ZNF280C: variants seen among roughly 807,000 people sequenced by gnomAD.
ZNF280C encodes suppressor of hairy wing homolog 3.
A neutral mutation model predicts 53.6 loss-of-function variants in ZNF280C; 14 were observed. The ratio of observed to expected loss-of-function variants is 0.26; its 90% CI spans 0.17 to 0.41. The LOEUF is 0.41. Ranked by LOEUF, ZNF280C falls within the 10% of genes least tolerant of loss-of-function variation. ZNF280C has a pLI of 1.00. For synonymous variants in ZNF280C, 203 were observed against 181.1 expected, an observed-to-expected ratio of 1.12 and a Z score of -0.97; for missense variants, 416 against 547.1, an observed-to-expected ratio of 0.76 and a Z score of 2.39.
intron 8 of ZNF280C, 128 bp downstream of exon 8, chrX:130,236,086 T>A: frequency 2.7e-6 from 1 of 375,246 alleles, no homozygotes; most frequent in Non-Finnish European, 4.6e-6. Flanking sequence ...TTAAGTTACA[T>A]GGAAATGCCA....
At chrX:130,262,970 T>C (rs2032647438) in intron 1 of ZNF280C, among the ~76,000 whole-genome samples, 1 of 112,750 alleles carries the variant, frequency 8.9e-6, no homozygotes, top group Non-Finnish European at 1.9e-5. Flanking sequence ...GTAAATAGTA[T>C]ATGTATTTTG....
At chrX:130,260,198 C>T (rs1305440861) in intron 2 of ZNF280C, among the ~76,000 whole-genome samples, 3 of 110,773 alleles carry the variant, frequency 2.7e-5, no homozygotes, top group Admixed American at 9.7e-5. Context: ...AGGAGAATGG[C>T]GTGAACCCAG....
At chrX:130,253,090 C>T (rs1198245477) in intron 2 of ZNF280C, among the ~76,000 whole-genome samples, 1 of 111,982 alleles carries the variant, frequency 8.9e-6, no homozygotes, top group Non-Finnish European at 1.9e-5. Flanking sequence ...AATCAACGTA[C>T]AAAAATCACC....
intron 12 of ZNF280C, among the ~76,000 whole-genome samples, chrX:130,225,585 T>C (rs2032212812): frequency 9.1e-6 from 1 of 109,441 alleles, no homozygotes; most frequent in Non-Finnish European, 1.9e-5. Flanking sequence ...GAACACTTAT[T>C]AACATCTGAG....
At chrX:130,218,332 G>C (rs2032126407) in intron 13 of ZNF280C, among the ~76,000 whole-genome samples, 1 of 111,757 alleles carries the variant, frequency 8.9e-6, no homozygotes, top group Non-Finnish European at 1.9e-5. Flanking sequence ...GGATCAGGGG[G>C]CATGATTTCT....
chrX:130,222,276 C>CCACACACACA (rs59694150), intron 12 of ZNF280C, among the ~76,000 whole-genome samples: 2,490 of 69,881 alleles, frequency 0.036, 75 homozygotes, highest in African/African-American at 0.042. Context: ...CATTCAGACA[C>CCACACACACA]CACACACACA....
Position 130,247,017 on chromosome X carries a change from G to A in ZNF280C, c.32-12C>T. The A allele has an allele frequency of 8.4e-7, 1 of 1,191,818 alleles. No individual in the cohort carries two copies. The highest frequency in any genetic ancestry group is 3.0e-5 in the East Asian group (1 of 33,755). On this transcript the variant is annotated splice_polypyrimidine_tract_variant and intron_variant, in intron 2 of 18. Transcript: ENST00000370978. Reference sequence around the variant, plus strand: ...CATTTTTGAAATGTCTAATTTTCAAGAGAAGAGAAGCTAACTTTATTTTCA... The same window carrying A: ...CATTTTTGAAATGTCTAATTTTCAAAAGAAGAGAAGCTAACTTTATTTTCA...
At chrX:130,246,762 A>G in intron 3 of ZNF280C, 97 bp downstream of exon 3, 14 of 1,023,077 alleles carry the variant, frequency 1.4e-5, no homozygotes, top group Non-Finnish European at 1.9e-5. Flanking sequence ...CTAACTCCTT[A>G]CAGAAGAACA....
At chrX:130,247,926 A>G (rs1287319451) in intron 2 of ZNF280C, among the ~76,000 whole-genome samples, 3 of 108,103 alleles carry the variant, frequency 2.8e-5, no homozygotes, top group African/African-American at 1.0e-4. Flanking sequence ...AGTAAAAAAT[A>G]TACTGTGAAT....
At chrX:130,228,617 C>CTTT (rs35926660) in intron 10 of ZNF280C, among the ~76,000 whole-genome samples, 671 of 58,308 alleles carry the variant, frequency 0.012, no homozygotes, top group Non-Finnish European at 0.016. Flanking sequence ...TTTTCTTCTA[C>CTTT]TTTTTTTTTT....
At chrX:130,211,138 C>T (rs2032035630) in intron 15 of ZNF280C, among the ~76,000 whole-genome samples, 1 of 111,675 alleles carries the variant, frequency 9.0e-6, no homozygotes, top group Non-Finnish European at 1.9e-5. Context: ...GCTGTAATTC[C>T]AAGAAAACAT....
chrX:130,244,618 A>C (rs1291871168), intron 3 of ZNF280C, among the ~76,000 whole-genome samples: 1 of 108,772 alleles, frequency 9.2e-6, no homozygotes, highest in African/African-American at 3.4e-5. Context: ...TCTACTAAAA[A>C]TACAAAAAAA....
Position 130,227,757 on chromosome X carries a change from T to C in ZNF280C, c.1173A>G (p.Ser391=), listed in dbSNP as rs775112671. 3.3e-6 allele frequency: 4 copies of C among 1,199,047 alleles called. No homozygotes were observed. In the African/African-American group the frequency reaches 7.0e-5, roughly 21 times the overall value. ...FSTICKICEL[S]FETEHILLQH... ...GTAAAAGAATATGCTCTGTTTCAAATGATAATTCACAGATTTTGCAAATAG... is the reference window on the plus strand; with the variant it reads ...GTAAAAGAATATGCTCTGTTTCAAACGATAATTCACAGATTTTGCAAATAG... The change falls in exon 11 of 19, where the codon TCA becomes TCG. Residue 391 remains serine, a synonymous_variant. Transcript: ENST00000370978.
At chrX:130,264,933 C>G (rs1426315633) in intron 1 of ZNF280C, among the ~76,000 whole-genome samples, 1 of 111,727 alleles carries the variant, frequency 9.0e-6, no homozygotes, top group Non-Finnish European at 1.9e-5. Flanking sequence ...TGGATTATAT[C>G]TTGGTTCCTT....
chrX:130,203,277 G>C lies in ZNF280C; in HGVS notation c.*1700C>G, dbSNP rs1211834079. Reference sequence around the variant, plus strand: ...AATTTCATGAATCTGGGACAAAGAAGTGATGGAAAAATAAAATAGAGTAAA... The same window carrying C: ...AATTTCATGAATCTGGGACAAAGAACTGATGGAAAAATAAAATAGAGTAAA... On this transcript the variant is annotated 3_prime_UTR_variant, in exon 19 of 19. Coordinates refer to ENST00000370978, the MANE Select transcript of ZNF280C (RefSeq NM_017666.5). 9.0e-6 allele frequency: 1 copy of C among 111,446 alleles called. No homozygotes were observed. The highest frequency in any genetic ancestry group is 3.3e-5 in the African/African-American group (1 of 30,704). 9.2% of individuals were successfully genotyped at this position (111,446 alleles called of 1,213,427 possible). A position where few individuals can be genotyped will look rare whatever the true frequency, so the allele number is the denominator to read the frequency against.
chrX:130,211,241 C>T (rs1020295924), intron 15 of ZNF280C, among the ~76,000 whole-genome samples: 1 of 112,265 alleles, frequency 8.9e-6, no homozygotes, highest in African/African-American at 3.2e-5. Context: ...CAGAATGTTA[C>T]GGAACTCAAA....
chrX:130,226,784 T>A lies in ZNF280C; in HGVS notation c.1370A>T (p.Tyr457Phe), dbSNP rs1206536303. The A allele has an allele frequency of 3.3e-6, 4 of 1,208,590 alleles. No homozygotes were observed. The African/African-American group carries it at 7.0e-5, about 21-fold the overall frequency. ...CLKVSKMATP[Y>F]MNHYMKHQKK... ...CTGATGCTTCATGTAATGATTCATG[T>A]AGGGGGTTGCCATTTTACTAACTTT... The change falls in exon 12 of 19, where the codon TAC becomes TTC. Residue 457 changes from tyrosine to phenylalanine, a missense_variant. This residue lies in a region of ZNF280C where 72 missense variants were observed against 168.8 expected (regional missense o/e 0.43). Coordinates refer to ENST00000370978, the MANE Select transcript of ZNF280C (RefSeq NM_017666.5).
At chrX:130,250,877 T>C (rs1035106338) in intron 2 of ZNF280C, among the ~76,000 whole-genome samples, 2 of 110,750 alleles carry the variant, frequency 1.8e-5, no homozygotes, top group Non-Finnish European at 3.8e-5. Context: ...GGTGGTTAAC[T>C]TGAGGCCAGG....
At chrX:130,232,586 G>T (rs2032289284) in intron 8 of ZNF280C, among the ~76,000 whole-genome samples, 1 of 111,395 alleles carries the variant, frequency 9.0e-6, no homozygotes, top group Admixed American at 9.6e-5. Context: ...TATGTGCAAA[G>T]GTGCTCAACA....
Sources: allele counts gnomAD v4.1 joint callset (sites outside exome capture counted in the v4.1 genomes callset), GRCh38; gene constraint gnomAD v4.1.1; regional missense constraint gnomAD v4.1.1; transcripts MANE v1.5; gene names NCBI Gene and HGNC (gene_info 2026-07-23, HGNC 2026-07-21).